CNBD1: variants seen among roughly 807,000 people sequenced by gnomAD.
CNBD1 encodes cyclic nucleotide binding domain containing 1, also known as cyclic nucleotide-binding domain-containing protein 1.
CNBD1 carries 71 observed loss-of-function variants against 54.4 expected under a neutral mutation model. That is an observed-to-expected ratio of 1.30 (90% CI 1.08 to 1.59). CNBD1 has a LOEUF of 1.59. Ranked by LOEUF, CNBD1 falls within the 40% of genes most tolerant of loss-of-function variation. The probability of loss-of-function intolerance (pLI) is 0.00; values close to 1 mark genes in which losing one functional copy is unlikely to be tolerated. For missense variants in CNBD1, 659 were observed against 518.0 expected, an observed-to-expected ratio of 1.27 and a Z score of -2.64; for synonymous variants, 182 against 170.7, an observed-to-expected ratio of 1.07 and a Z score of -0.51.
intron 8 of CNBD1, among the ~76,000 whole-genome samples, chr8:87,324,398 C>G (rs1343767300): frequency 1.6e-5 from 2 of 127,232 alleles, no homozygotes; most frequent in South Asian, 4.6e-4. Flanking sequence ...CTCCTTGTAC[C>G]TCTGATAGAA....
chr8:86,896,201 T>A (rs1384152645), intron 2 of CNBD1, among the ~76,000 whole-genome samples: 1 of 152,084 alleles, frequency 6.6e-6, no homozygotes. Flanking sequence ...GGCATTCTAT[T>A]TCTAATTTTA....
chr8:87,286,711 G>A (rs1422356486), intron 8 of CNBD1, 40 bp downstream of exon 8: 2 of 1,399,008 alleles, frequency 1.4e-6, no homozygotes, highest in Non-Finnish European at 9.8e-7. Context: ...TTTGCATTCT[G>A]TTATATTATT....
At chr8:87,027,991 A>G (rs181070329) in intron 4 of CNBD1, among the ~76,000 whole-genome samples, 2 of 152,110 alleles carry the variant, frequency 1.3e-5, no homozygotes, top group Admixed American at 1.3e-4. Context: ...AGAGGAGCCC[A>G]TCCCAGTGTC....
intron 2 of CNBD1, among the ~76,000 whole-genome samples, chr8:87,405,720 TC>T (rs1743084115): frequency 6.6e-6 from 1 of 152,152 alleles, no homozygotes; most frequent in African/African-American, 2.4e-5. Context: ...TATGAGCATT[TC>T]TTTGGCATGA....
intron 4 of CNBD1, among the ~76,000 whole-genome samples, chr8:86,978,732 G>A (rs1272464147): frequency 6.6e-6 from 1 of 151,546 alleles, no homozygotes; most frequent in African/African-American, 2.4e-5. Flanking sequence ...TAGTAGAGAT[G>A]GGGTTTCTCC....
chr8:87,141,234 A>C (rs948594056), intron 4 of CNBD1, among the ~76,000 whole-genome samples: 1 of 152,122 alleles, frequency 6.6e-6, no homozygotes, highest in Non-Finnish European at 1.5e-5. Flanking sequence ...ATAAAATCCT[A>C]CGGTGACTTA....
rs894127135 is a variant in CNBD1 at position 87,424,225 on chromosome 8, A to G, written c.214-4321A>G. Among the ~76,000 whole-genome samples, 177 of 152,032 alleles carry G rather than the reference A, an allele frequency of 1.2e-3. 1 individual carries two copies. Among genetic ancestry groups the G allele is most frequent in the Middle Eastern group, 6.8e-3 (2 of 294 alleles). On this transcript the variant is annotated intron_variant, in intron 2 of 7. Transcript: ENST00000521593. The stretch of plus-strand genomic sequence containing the variant: ...ATTTTGTTGATCCTTTCAAAATACC[A>G]GCTCCTGGATTCATTAATTTTTTGA...
chr8:87,023,717 C>G (rs1325921764), intron 4 of CNBD1, among the ~76,000 whole-genome samples: 1 of 152,192 alleles, frequency 6.6e-6, no homozygotes, highest in Non-Finnish European at 1.5e-5. Flanking sequence ...TCCCTAACCA[C>G]TATCTTAATG....
chr8:87,238,947 G>A (rs77893000), intron 6 of CNBD1, among the ~76,000 whole-genome samples: 8,030 of 151,922 alleles, frequency 0.053, 687 homozygotes, highest in African/African-American at 0.17. Flanking sequence ...CAATATCTCA[G>A]ACGTCTGAGA....
chr8:87,047,203 A>G (rs529281315), intron 4 of CNBD1, among the ~76,000 whole-genome samples: 1 of 152,266 alleles, frequency 6.6e-6, no homozygotes, highest in East Asian at 1.9e-4. Context: ...ATCTGCTATC[A>G]TTCTATCAAC....
intron 4 of CNBD1, among the ~76,000 whole-genome samples, chr8:87,021,447 A>C (rs1006844632): frequency 2.0e-5 from 3 of 152,230 alleles, no homozygotes; most frequent in African/African-American, 7.2e-5. Flanking sequence ...TTTGGGAGCA[A>C]TCTTTCTTCC....
chr8:87,368,727 A>G (rs1319814068), intron 10 of CNBD1, among the ~76,000 whole-genome samples: 1 of 152,010 alleles, frequency 6.6e-6, no homozygotes, highest in East Asian at 1.9e-4. Flanking sequence ...GGTATTTGGT[A>G]TTTTGTAGGC....
chr8:87,412,395 C>G (rs1563592315), intron 2 of CNBD1, among the ~76,000 whole-genome samples: 1 of 151,954 alleles, frequency 6.6e-6, no homozygotes, highest in Non-Finnish European at 1.5e-5. Flanking sequence ...TCGATATGAC[C>G]AGGATTTGCT....
chr8:87,305,015 A>T (rs1325449023), intron 8 of CNBD1, among the ~76,000 whole-genome samples: 1 of 152,112 alleles, frequency 6.6e-6, no homozygotes. Flanking sequence ...AACCCTAAGG[A>T]TTCCTCCAGA....
intron 5 of CNBD1, among the ~76,000 whole-genome samples, chr8:87,225,087 T>C (rs1180956777): frequency 6.6e-6 from 1 of 151,482 alleles, no homozygotes; most frequent in East Asian, 1.9e-4. Context: ...TTTTGCACAT[T>C]GATTTTGTAT....
intron 6 of CNBD1, among the ~76,000 whole-genome samples, chr8:87,267,252 A>G (rs1808277369): frequency 6.6e-6 from 1 of 152,216 alleles, no homozygotes; most frequent in Non-Finnish European, 1.5e-5. Flanking sequence ...ATGTTCAACC[A>G]CTTTAGCAAT....
chr8:87,301,660 T>C (rs970666655), intron 8 of CNBD1, among the ~76,000 whole-genome samples: 5 of 151,444 alleles, frequency 3.3e-5, no homozygotes, highest in Non-Finnish European at 7.4e-5. Context: ...CTGAAGGAAA[T>C]AGAGACACAA....
At chr8:87,305,330 G>T (rs1476391361) in intron 8 of CNBD1, among the ~76,000 whole-genome samples, 4 of 152,030 alleles carry the variant, frequency 2.6e-5, no homozygotes, top group Non-Finnish European at 5.9e-5. Flanking sequence ...TGACCATATT[G>T]CCAAAAACAA....
chr8:87,301,164 C>A (rs925567456), intron 8 of CNBD1, among the ~76,000 whole-genome samples: 1 of 151,714 alleles, frequency 6.6e-6, no homozygotes, highest in Non-Finnish European at 1.5e-5. Flanking sequence ...AATTAGATAC[C>A]CTGAACAGAC....
Sources: allele counts gnomAD v4.1 joint callset (sites outside exome capture counted in the v4.1 genomes callset), GRCh38; gene constraint gnomAD v4.1.1; transcripts MANE v1.5; gene names NCBI Gene and HGNC (gene_info 2026-07-23, HGNC 2026-07-21).